The following LRRC40 variants were observed in gnomAD, a reference collection of about 807,000 sequenced individuals.
LRRC40 encodes leucine rich repeat containing 40, also known as leucine-rich repeat-containing protein 40.
Under a neutral mutation model 72.8 loss-of-function variants are expected in LRRC40, and 76 were observed. The ratio of observed to expected loss-of-function variants is 1.04; its 90% CI spans 0.87 to 1.26. The LOEUF (loss-of-function observed/expected upper bound fraction) is 1.26. Ranked by LOEUF, LRRC40 falls within the 50% of genes most tolerant of loss-of-function variation. The probability of loss-of-function intolerance (pLI) is 0.00; values close to 1 mark genes in which losing one functional copy is unlikely to be tolerated. For missense variants in LRRC40, 684 were observed against 698.9 expected (o/e 0.98, Z 0.24); for synonymous variants, 243 against 254.2 (o/e 0.96, Z 0.42).
Position 70,205,389 on chromosome 1 carries a change from C to A in LRRC40, c.151+1G>T, listed in dbSNP as rs748332035. ...AATAGGGTCGTACCTCTGGGTCTTA[C>A]CTTCACTGAGGTTTCTACCCGACAG... On this transcript the variant is annotated splice_donor_variant, in intron 1 of 14. Coordinates refer to ENST00000370952, the MANE Select transcript of LRRC40 (RefSeq NM_017768.5). LOFTEE classifies it high-confidence loss of function. The A allele has an allele frequency of 2.0e-5, 32 of 1,584,952 alleles. No individual in the cohort carries two copies. Among genetic ancestry groups the A allele is most frequent in the Non-Finnish European group, 2.5e-5 (29 of 1,158,134 alleles).
chr1:70,165,252 A>G (rs193190862), intron 9 of LRRC40, among the ~76,000 whole-genome samples: 28 of 152,350 alleles, frequency 1.8e-4, no homozygotes, highest in Non-Finnish European at 3.5e-4. Context: ...GAAAAGGTAA[A>G]TAACAGTACA....
In LRRC40 at chr1:70,148,445, CAATAA is replaced by C. The variant is rs776833496; in HGVS notation, c.1703+37_1703+41del. On this transcript the variant is annotated intron_variant, in intron 14 of 14. Coordinates refer to ENST00000370952, the MANE Select transcript of LRRC40 (RefSeq NM_017768.5). ...AGAAAAACAAATCACTTCAACAAAT[CAATAA>C]AATAAATGAAACAATGCAGTAGAAT... 94 of 1,385,546 alleles carry C rather than the reference CAATAA, an allele frequency of 6.8e-5. No homozygotes were observed. The South Asian group carries it at 1.3e-3, about 20-fold the overall frequency. 85.8% of individuals were successfully genotyped at this position (1,385,546 alleles called of 1,614,324 possible). A position where few individuals can be genotyped will look rare whatever the true frequency, so the allele number is the denominator to read the frequency against.
At chr1:70,189,304 A>G in intron 1 of LRRC40, 31 bp from the exon 2 acceptor site, 2 of 1,429,156 alleles carry the variant, frequency 1.4e-6, no homozygotes, top group Non-Finnish European at 1.9e-6. Flanking sequence ...CCAGGAAAAA[A>G]AAAAAAAAAA....
At chr1:70,175,597 A>C (rs1668085442) in intron 7 of LRRC40, among the ~76,000 whole-genome samples, 3 of 152,186 alleles carry the variant, frequency 2.0e-5, no homozygotes, top group Admixed American at 2.0e-4. Flanking sequence ...AGTTAGAGTA[A>C]GTCATAAATA....
chr1:70,168,419 G>A (rs1304319171), intron 9 of LRRC40, among the ~76,000 whole-genome samples: 1 of 152,212 alleles, frequency 6.6e-6, no homozygotes, highest in Non-Finnish European at 1.5e-5. Flanking sequence ...GCTCCTAGAG[G>A]AGAGTGTTAC....
chr1:70,201,642 A>G (rs1668742311), intron 1 of LRRC40, among the ~76,000 whole-genome samples: 1 of 152,214 alleles, frequency 6.6e-6, no homozygotes, highest in Non-Finnish European at 1.5e-5. Flanking sequence ...ACTCAACATC[A>G]TATGTCATTA....
rs1337898609 is a variant in LRRC40 at position 70,176,053 on chromosome 1, T to A, written c.805-71A>T. 5.8e-6 allele frequency: 5 copies of A among 868,086 alleles called. No homozygotes were observed. The East Asian group carries it at 1.5e-4, about 26-fold the overall frequency. The allele number at this position is 868,086 out of a possible 1,614,324, so 53.8% of individuals were successfully genotyped here. ...ATAGTAGATAATGAAAATAAAATTG[T>A]AGGTACTCTTAATTTCAAGTGATTG... On this transcript the variant is annotated intron_variant, in intron 6 of 14. Transcript: ENST00000370952.
chr1:70,179,794 G>GA (rs919488278), intron 5 of LRRC40, among the ~76,000 whole-genome samples: 6 of 151,742 alleles, frequency 4.0e-5, no homozygotes, highest in African/African-American at 9.7e-5. Context: ...TATCCTTATT[G>GA]AAAAAAATGA....
At position 70,155,729 on chromosome 1, in the gene LRRC40, T is replaced by C. The variant is rs116597290; in HGVS notation, c.1288A>G (p.Ile430Val). Residue 430 changes from isoleucine to valine, a missense_variant, in exon 11 of 15, where the codon ATT becomes GTT. Physicochemically the swap from Ile to Val is conservative, Grantham distance 29 (BLOSUM62 3). Coordinates refer to ENST00000370952, the MANE Select transcript of LRRC40 (RefSeq NM_017768.5). Reference sequence around the variant, plus strand: ...CATAGTTGATTCTTACTGAAGTTAATAGAAGTGACGATGTTGCTTTTTACT... The same window carrying C: ...CATAGTTGATTCTTACTGAAGTTAACAGAAGTGACGATGTTGCTTTTTACT... The part of the protein sequence containing the change: ...DAVKSNIVTS[I>V]NFSKNQLCEI... 697 of 1,580,456 alleles carry C rather than the reference T, an allele frequency of 4.4e-4. 4 individuals carry two copies. In the African/African-American group the frequency reaches 5.4e-3, roughly 12 times the overall value.
intron 1 of LRRC40, among the ~76,000 whole-genome samples, chr1:70,201,548 A>G (rs1377343692): frequency 6.6e-6 from 1 of 152,226 alleles, no homozygotes; most frequent in East Asian, 1.9e-4. Context: ...CAAGGAAACG[A>G]GCCCAATGAA....
chr1:70,166,487 T>C (rs1667881947), intron 9 of LRRC40, among the ~76,000 whole-genome samples: 1 of 152,020 alleles, frequency 6.6e-6, no homozygotes, highest in Non-Finnish European at 1.5e-5. Context: ...AACAAGACTC[T>C]GTCTCTACAA....
At chr1:70,186,307 C>T (rs893224754) in intron 3 of LRRC40, among the ~76,000 whole-genome samples, 58 of 152,270 alleles carry the variant, frequency 3.8e-4, no homozygotes, top group African/African-American at 1.4e-3. Flanking sequence ...CTTACTGCTT[C>T]CTCTCTTCCT....
At chr1:70,178,376 A>G (rs554126283) in intron 6 of LRRC40, among the ~76,000 whole-genome samples, 10 of 152,340 alleles carry the variant, frequency 6.6e-5, no homozygotes, top group Admixed American at 4.6e-4. Context: ...TTTTAACACT[A>G]GAGCTTAAAG....
At chr1:70,169,367 C>T (rs1558117363) in intron 9 of LRRC40, among the ~76,000 whole-genome samples, 1 of 152,124 alleles carries the variant, frequency 6.6e-6, no homozygotes, top group Non-Finnish European at 1.5e-5. Context: ...TTGGTAAATT[C>T]TTTAACCACC....
intron 7 of LRRC40, among the ~76,000 whole-genome samples, chr1:70,174,257 C>T (rs141603705): frequency 2.0e-5 from 3 of 151,958 alleles, no homozygotes; most frequent in Admixed American, 6.6e-5. Flanking sequence ...ACTGGTATAG[C>T]GATATCAAGA....
intron 2 of LRRC40, among the ~76,000 whole-genome samples, chr1:70,187,914 C>T (rs1036306182): frequency 1.6e-5 from 2 of 126,798 alleles, no homozygotes; most frequent in African/African-American, 3.0e-5. Context: ...AGTGTTAAGT[C>T]AACCACTTTA....
chr1:70,178,744 T>A, intron 6 of LRRC40, 107 bp downstream of exon 6: 1 of 584,446 alleles, frequency 1.7e-6, no homozygotes, highest in Non-Finnish European at 2.8e-6. Context: ...ACAGTACTTA[T>A]AACTAATACA....
At chr1:70,162,421 A>G (rs917872241) in intron 9 of LRRC40, among the ~76,000 whole-genome samples, 57 of 152,284 alleles carry the variant, frequency 3.7e-4, no homozygotes, top group African/African-American at 1.3e-3. Context: ...GGAACTTGTT[A>G]GAAATGCAAA....
intron 7 of LRRC40, among the ~76,000 whole-genome samples, chr1:70,173,965 C>T (rs552815405): frequency 3.3e-5 from 5 of 152,032 alleles, no homozygotes; most frequent in African/African-American, 9.6e-5. Flanking sequence ...TAAATTATAA[C>T]ATTTGCTAAA....
Sources: gnomAD v4.1 joint callset for allele counts (sites outside exome capture counted in the v4.1 genomes callset) on GRCh38, gnomAD v4.1.1 for gene constraint, MANE v1.5 for transcripts, NCBI Gene and HGNC (gene_info 2026-07-23, HGNC 2026-07-21) for gene names.